NNMT: variants seen among roughly 807,000 people sequenced by gnomAD.
The protein encoded by NNMT is nicotinamide N-methyltransferase.
NNMT carries 10 observed loss-of-function variants against 11.7 expected under a neutral mutation model. The observed-to-expected ratio is 0.85, with a 90% CI of 0.53 to 1.45. NNMT has a LOEUF of 1.45. Ranked by LOEUF, NNMT falls within the 40% of genes most tolerant of loss-of-function variation. NNMT has a pLI of 0.00. For synonymous variants in NNMT, 143 were observed against 133.8 expected (o/e 1.07, Z -0.48); for missense variants, 381 against 319.4 (o/e 1.19, Z -1.47).
chr11:114,258,895 C>T (rs957564220), intron 1 of NNMT, among the ~76,000 whole-genome samples: 2 of 152,164 alleles, frequency 1.3e-5, no homozygotes, highest in Non-Finnish European at 2.9e-5. Flanking sequence ...GCTGTTTCCT[C>T]TTCTGAGAGC....
Position 114,312,242 on chromosome 11 carries a change from T to G in NNMT, c.560T>G (p.Leu187Arg). Reference sequence around the variant, plus strand: ...GCGCTCAGGAACCTCGGCAGCCTACTGAAGCCAGGGGGCTTCCTGGTGATC... The same window carrying G: ...GCGCTCAGGAACCTCGGCAGCCTACGGAAGCCAGGGGGCTTCCTGGTGATC... ...CRALRNLGSL[L>R]KPGGFLVIMD... The change falls in exon 3 of 3, where the codon CTG becomes CGG. Residue 187 changes from leucine (L) to arginine (R), a missense_variant. Leu to Arg is a moderately radical substitution (Grantham distance 102). Transcript: ENST00000299964. The G allele has an allele frequency of 6.2e-7, 1 of 1,614,184 alleles. No individual in the cohort carries two copies.
chr11:114,270,970 T>A (rs1404723127), intron 2 of NNMT, among the ~76,000 whole-genome samples: 1 of 151,922 alleles, frequency 6.6e-6, no homozygotes, highest in African/African-American at 2.4e-5. Flanking sequence ...AGAGACAGGG[T>A]TTCACCATGT....
chr11:114,286,235 G>A (rs1346740461), intron 2 of NNMT, among the ~76,000 whole-genome samples: 3 of 152,180 alleles, frequency 2.0e-5, no homozygotes, highest in Admixed American at 2.0e-4. Context: ...TGTTTCGAGG[G>A]ACTCTGCGTC....
intron 2 of NNMT, among the ~76,000 whole-genome samples, chr11:114,267,177 A>C (rs1452527735): frequency 6.6e-6 from 1 of 152,216 alleles, no homozygotes; most frequent in Non-Finnish European, 1.5e-5. Flanking sequence ...AGGCAAGAGA[A>C]TCACTTGAAC....
chr11:114,307,215 G>C (rs7483981), intron 2 of NNMT, among the ~76,000 whole-genome samples: 11,924 of 152,160 alleles, frequency 0.078, 558 homozygotes, highest in Middle Eastern at 0.15. Flanking sequence ...ACAGGTCTCA[G>C]AGCACTTCAA....
chr11:114,259,828 A>T (rs1176362633), intron 1 of NNMT, among the ~76,000 whole-genome samples: 1 of 152,154 alleles, frequency 6.6e-6, no homozygotes, highest in Non-Finnish European at 1.5e-5. Flanking sequence ...GACTACATTA[A>T]TAGCAAAGCC....
At chr11:114,309,688 C>T (rs1945531888) in intron 2 of NNMT, among the ~76,000 whole-genome samples, 2 of 152,128 alleles carry the variant, frequency 1.3e-5, no homozygotes, top group South Asian at 2.1e-4. Flanking sequence ...TTTTAGTATA[C>T]TTTCAGAGTT....
At chr11:114,298,425 A>C in intron 2 of NNMT, 2 of 412,616 alleles carry the variant, frequency 4.8e-6, no homozygotes, top group Admixed American at 3.8e-5. Context: ...AAACCCCCAA[A>C]TTTTCCAGGC....
In NNMT at chr11:114,263,257, A is replaced by AC. The variant is rs371495062; in HGVS notation, c.-130+330dup. 4.5e-3 allele frequency among the ~76,000 whole-genome samples: 681 copies of AC among 151,618 alleles called. 6 individuals carry two copies. The highest frequency in any genetic ancestry group is 0.015 in the African/African-American group (617 of 41,320). The stretch of plus-strand genomic sequence containing the variant: ...AAAACAAGCACCAATGAAACTGAGT[A>AC]CCCCCCCTGTTTCTAAGAGAAAAAA... On this transcript the variant is annotated intron_variant, in intron 2 of 4. Coordinates refer to the NNMT transcript ENST00000535401.
At chr11:114,303,080 A>G (rs1180428141) in intron 2 of NNMT, among the ~76,000 whole-genome samples, 4 of 152,322 alleles carry the variant, frequency 2.6e-5, no homozygotes, top group South Asian at 4.1e-4. Context: ...AACTAAGGCT[A>G]TATTATGCAT....
chr11:114,306,023 T>A (rs1004545950), intron 2 of NNMT, among the ~76,000 whole-genome samples: 13 of 152,214 alleles, frequency 8.5e-5, no homozygotes, highest in Non-Finnish European at 1.5e-4. Context: ...GTTTCCTGAC[T>A]TTTTAATGAT....
At chr11:114,273,424 C>T (rs1377985974) in intron 2 of NNMT, among the ~76,000 whole-genome samples, 2 of 152,198 alleles carry the variant, frequency 1.3e-5, no homozygotes, top group African/African-American at 4.8e-5. Context: ...AACCCAGTCT[C>T]TCCCTAGCTG....
In NNMT at chr11:114,278,724, C is replaced by T. The variant is rs146649585; in HGVS notation, c.-130+15790C>T. Among the ~76,000 whole-genome samples the T allele has an allele frequency of 2.3e-4, 35 of 152,158 alleles. No individual in the cohort carries two copies. In the East Asian group the frequency reaches 6.2e-3, roughly 27 times the overall value. On this transcript the variant is annotated intron_variant, in intron 2 of 4. Coordinates refer to the NNMT transcript ENST00000535401. ...GTGGCTAGATCTGTCAGTGGTGTCA[C>T]CACATGGGTGATGAATGAGGTTGTA...
At chr11:114,282,003 G>A (rs1945266407) in intron 2 of NNMT, among the ~76,000 whole-genome samples, 1 of 152,162 alleles carries the variant, frequency 6.6e-6, no homozygotes, top group African/African-American at 2.4e-5. Flanking sequence ...CACTCAAGAG[G>A]AATCCAGAGG....
At chr11:114,292,705 G>T (rs185348285), upstream of NNMT, among the ~76,000 whole-genome samples, 27 of 152,112 alleles carry the variant, frequency 1.8e-4, no homozygotes, top group African/African-American at 6.5e-4. Context: ...TGGGTAGAGG[G>T]TCATTACAAG....
chr11:114,268,820 C>T (rs1400243893), intron 2 of NNMT, among the ~76,000 whole-genome samples: 1 of 149,998 alleles, frequency 6.7e-6, no homozygotes, highest in East Asian at 2.0e-4. Context: ...TGCCTTAGAG[C>T]TCCTGAATCA....
At chr11:114,286,839 A>G (rs1945304468) in intron 2 of NNMT, among the ~76,000 whole-genome samples, 1 of 152,236 alleles carries the variant, frequency 6.6e-6, no homozygotes, top group African/African-American at 2.4e-5. Context: ...CTACCAGTCA[A>G]TGCCAGACTG....
chr11:114,258,909 G>A (rs12269862), intron 1 of NNMT, among the ~76,000 whole-genome samples: 28,941 of 152,086 alleles, frequency 0.19, 3,262 homozygotes, highest in African/African-American at 0.32. Context: ...TGAGAGCTAC[G>A]CAAACACACA....
intron 1 of NNMT, among the ~76,000 whole-genome samples, chr11:114,259,862 C>G (rs990386100): frequency 6.6e-6 from 1 of 152,196 alleles, no homozygotes; most frequent in African/African-American, 2.4e-5. Context: ...CCGCTCCCAA[C>G]TGTACACCGG....
Sources: allele counts gnomAD v4.1 joint callset (sites outside exome capture counted in the v4.1 genomes callset), GRCh38; gene constraint gnomAD v4.1.1; transcripts MANE v1.5; gene names NCBI Gene and HGNC (gene_info 2026-07-23, HGNC 2026-07-21).